Variants in GPC3 observed in about 807,000 individuals in gnomAD.
GPC3 encodes glypican-3.
A neutral mutation model predicts 34.4 loss-of-function variants in GPC3; 3 were observed. The ratio of observed to expected loss-of-function variants is 0.09; its 90% confidence interval spans 0.04 to 0.23. The LOEUF (loss-of-function observed/expected upper bound fraction) is 0.23. GPC3 is among the 10% of genes least tolerant of loss of function. The pLI is 1.00. For missense variants in GPC3, 351 were observed against 445.6 expected (o/e 0.79, Z 1.91); for synonymous variants, 177 against 174.0 (o/e 1.02, Z -0.13).
At chrX:133,973,303 T>C (rs2076501206) in intron 1 of GPC3, among the ~76,000 whole-genome samples, 1 of 112,876 alleles carries the variant, frequency 8.9e-6, no homozygotes, top group Non-Finnish European at 1.9e-5. Flanking sequence ...TACACAACCT[T>C]TGGGTAAGTA....
rs760101722 is a variant in GPC3 at position 133,616,484 on chromosome X, T to C, written c.1414-19885A>G. ...AGATTCAATACAATTTCTATCAAAA[T>C]TCCAGCTGCCTTATTTTTTTAAATG... On this transcript the variant is annotated intron_variant, in intron 6 of 7. Coordinates refer to ENST00000370818, the MANE Select transcript of GPC3 (RefSeq NM_004484.4). Among the ~76,000 whole-genome samples, 6 of 111,412 alleles carry C rather than the reference T, an allele frequency of 5.4e-5. No individual in the cohort carries two copies. The South Asian group carries it at 1.5e-3, about 28-fold the overall frequency.
At chrX:133,572,858 C>T (rs2069645347) in intron 7 of GPC3, among the ~76,000 whole-genome samples, 1 of 111,924 alleles carries the variant, frequency 8.9e-6, no homozygotes, top group Admixed American at 9.5e-5. Context: ...CAATCATTCA[C>T]AACTCTTCCT....
intron 5 of GPC3, 79 bp downstream of exon 5, chrX:133,692,290 A>G: frequency 9.8e-7 from 1 of 1,016,461 alleles, no homozygotes; most frequent in Admixed American, 2.2e-5. Context: ...ATGGAGATAG[A>G]AGACATAATT....
intron 6 of GPC3, among the ~76,000 whole-genome samples, chrX:133,642,772 C>CAAAAAAA (rs375514321): frequency 3.9e-5 from 1 of 25,766 alleles, no homozygotes; most frequent in Non-Finnish European, 1.0e-4. Context: ...AACTACGTCT[C>CAAAAAAA]AAAAAAAAAA....
chrX:133,950,168 A>G (rs1175961557), intron 2 of GPC3, among the ~76,000 whole-genome samples: 2 of 112,275 alleles, frequency 1.8e-5, no homozygotes, highest in Non-Finnish European at 3.8e-5. Flanking sequence ...GCCCCATTTT[A>G]CTAAGCACAT....
At chrX:133,730,816 T>C (rs1361557916) in intron 3 of GPC3, among the ~76,000 whole-genome samples, 1 of 111,522 alleles carries the variant, frequency 9.0e-6, no homozygotes. Context: ...AAGGAAGGTA[T>C]GGCAGAAAGA....
chrX:133,701,740 C>T (rs1318112867), intron 3 of GPC3, among the ~76,000 whole-genome samples: 2 of 111,962 alleles, frequency 1.8e-5, no homozygotes, highest in Admixed American at 1.9e-4. Flanking sequence ...AAGCCATGGG[C>T]TCTGTGTGGT....
At chrX:133,670,172 T>C (rs1287260925) in intron 5 of GPC3, among the ~76,000 whole-genome samples, 2 of 111,552 alleles carry the variant, frequency 1.8e-5, no homozygotes, top group Non-Finnish European at 1.9e-5. Flanking sequence ...AGCAATGTTG[T>C]AGTGGAGGGA....
At chrX:133,658,468 A>T (rs1362664181) in intron 6 of GPC3, among the ~76,000 whole-genome samples, 1 of 111,888 alleles carries the variant, frequency 8.9e-6, no homozygotes, top group Non-Finnish European at 1.9e-5. Context: ...ATACAAAGAG[A>T]ACACATTATC....
Position 133,794,130 on chromosome X carries a change from A to G in GPC3, c.338-39954T>C, listed in dbSNP as rs182490600. 1.3e-3 allele frequency among the ~76,000 whole-genome samples: 142 copies of G among 112,459 alleles called. 1 individual carries two copies. The Middle Eastern group carries it at 0.014, about 11-fold the overall frequency. On this transcript the variant is annotated intron_variant, in intron 2 of 7. Transcript: ENST00000370818. ...AGCACTTCTTTTTCCTTTGAACAAG[A>G]CGTGCAAAAGGCTGATCCCATATAG...
chrX:133,875,444 C>T (rs987514366), intron 2 of GPC3, among the ~76,000 whole-genome samples: 4 of 111,488 alleles, frequency 3.6e-5, no homozygotes, highest in African/African-American at 1.3e-4. Flanking sequence ...TATTGTATCC[C>T]CCGCCTGCCT....
chrX:133,703,460 G>GTTTT (rs746837604), intron 3 of GPC3, among the ~76,000 whole-genome samples: 1 of 95,669 alleles, frequency 1.0e-5, no homozygotes. Context: ...AGGCCAGGAA[G>GTTTT]TTTTTTTTTT....
chrX:133,896,975 C>T (rs1315407958), intron 2 of GPC3, among the ~76,000 whole-genome samples: 4 of 102,713 alleles, frequency 3.9e-5, no homozygotes, highest in Admixed American at 1.1e-4. Flanking sequence ...GGCGTGATCT[C>T]AGCTCACTGC....
intron 2 of GPC3, among the ~76,000 whole-genome samples, chrX:133,916,412 A>G (rs1408806266): frequency 9.0e-6 from 1 of 111,648 alleles, no homozygotes; most frequent in Non-Finnish European, 1.9e-5. Context: ...TTATGGGTGA[A>G]TAATTTTCTT....
chrX:133,883,992 T>C (rs938227293), intron 2 of GPC3, among the ~76,000 whole-genome samples: 3 of 111,782 alleles, frequency 2.7e-5, no homozygotes, highest in African/African-American at 9.7e-5. Context: ...ATATAATCCT[T>C]ATGCAATTAT....
chrX:133,886,931 C>A (rs1409718467), intron 2 of GPC3, among the ~76,000 whole-genome samples: 5 of 112,812 alleles, frequency 4.4e-5, no homozygotes, highest in Non-Finnish European at 9.4e-5. Flanking sequence ...ATCTCTTCAA[C>A]ATACTAATAT....
intron 1 of GPC3, among the ~76,000 whole-genome samples, chrX:133,966,247 G>GA (rs766364736): frequency 8.9e-6 from 1 of 112,111 alleles, no homozygotes; most frequent in Non-Finnish European, 1.9e-5. Flanking sequence ...TTGAATACAT[G>GA]AAAAAAATTG....
chrX:133,569,686 G>A (rs2069609285), intron 7 of GPC3, among the ~76,000 whole-genome samples: 2 of 111,968 alleles, frequency 1.8e-5, no homozygotes, highest in African/African-American at 3.2e-5. Context: ...CTGGATGGAC[G>A]TTGGTATCTA....
intron 1 of GPC3, among the ~76,000 whole-genome samples, chrX:133,973,667 T>C (rs2124647813): frequency 8.9e-6 from 1 of 112,088 alleles, no homozygotes; most frequent in African/African-American, 3.2e-5. Context: ...ATAATACATC[T>C]CCATAGACAC....
Sources: gnomAD v4.1 joint callset for allele counts (sites outside exome capture counted in the v4.1 genomes callset) on GRCh38, gnomAD v4.1.1 for gene constraint, MANE v1.5 for transcripts, NCBI Gene and HGNC (gene_info 2026-07-23, HGNC 2026-07-21) for gene names.